MGAM: variants seen among roughly 807,000 people sequenced by gnomAD.
MGAM encodes the protein maltase-glucoamylase, also known as alpha-1,4-glucosidase.
In MGAM, 253 loss-of-function variants were observed where a neutral mutation model predicts 358.8. That is an observed-to-expected ratio of 0.71 (90% CI 0.64 to 0.78). MGAM has a LOEUF of 0.78. Among genes scored for constraint, MGAM ranks in the 30% least tolerant of loss-of-function variants. MGAM has a pLI of 0.00. For synonymous variants in MGAM, 1,105 were observed against 1,227.1 expected, an observed-to-expected ratio of 0.90 and a Z score of 2.08; for missense variants, 3,080 against 3,432.6, an observed-to-expected ratio of 0.90 and a Z score of 2.57.
chr7:142,025,385 A>G (rs1355197519), intron 8 of MGAM, among the ~76,000 whole-genome samples: 2 of 152,166 alleles, frequency 1.3e-5, no homozygotes, highest in African/African-American at 2.4e-5. Context: ...CTCTGTTGGA[A>G]TATTTTCTAT....
At position 142,034,811 on chromosome 7, in the gene MGAM, GC is replaced by G. The variant is rs782348870; in HGVS notation, c.1930del (p.Glu645SerfsTer62). On this transcript the variant is annotated frameshift_variant, in exon 16 of 71. Transcript: ENST00000475668. LOFTEE classifies it high-confidence loss of function. ...DDLRWSIPGV[L>X]EFNLFGIPMV... is the part of the protein sequence containing the mutation. ...ACCTGAGATGGTCCATCCCTGGCGT[GC>G]TTGAGTTCAACCTTTTTGGCATCCC... 3.7e-6 allele frequency: 6 copies of G among 1,612,932 alleles called. No homozygotes were observed. The highest frequency in any genetic ancestry group is 4.2e-6 in the Non-Finnish European group (5 of 1,179,204).
chr7:142,064,351 CT>C (rs758242280), intron 36 of MGAM, 32 bp from the exon 37 acceptor site: 1 of 1,589,994 alleles, frequency 6.3e-7, no homozygotes, highest in Non-Finnish European at 8.6e-7. Context: ...AGAATCAGGG[CT>C]GGGTTTCACC....
chr7:142,048,708 CTT>C (rs1356559372), intron 22 of MGAM, among the ~76,000 whole-genome samples: 1 of 152,050 alleles, frequency 6.6e-6, no homozygotes, highest in East Asian at 1.9e-4. Context: ...GGAAGGGAAA[CTT>C]TGCAATGTTC....
At position 142,059,922 on chromosome 7, in the gene MGAM, G is replaced by T; in HGVS notation, c.4015G>T (p.Val1339Phe). ...CTTCACTCGGGGCGTGGAGGATGAC[G>T]TCTTCATCAAATACCCAAATGATGG... is the stretch of plus-strand genomic sequence containing the variant. ...PAFTRGVEDD[V>F]FIKYPNDGDI... Residue 1339 changes from valine to phenylalanine, a missense_variant, in exon 33 of 71, where the codon GTC becomes TTC. Around this residue, in one of 5 missense-constraint regions of MGAM, gnomAD observed 1,816 missense variants for 1,840.5 expected, o/e 0.99. Coordinates refer to ENST00000475668, the MANE Select transcript of MGAM (RefSeq NM_001365693.1). 2.5e-6 allele frequency: 4 copies of T among 1,610,616 alleles called. No individual in the cohort carries two copies. The highest frequency in any genetic ancestry group is 1.3e-5 in the African/African-American group (1 of 74,988).
At chr7:142,013,126 AT>A (rs113879870) in intron 3 of MGAM, among the ~76,000 whole-genome samples, 2 of 150,230 alleles carry the variant, frequency 1.3e-5, no homozygotes, top group African/African-American at 4.9e-5. Context: ...AGGAATGCTT[AT>A]TTTTTTTTTC....
intron 31 of MGAM, among the ~76,000 whole-genome samples, 186 bp from the exon 32 acceptor site, chr7:142,059,286 A>G (rs910691359): frequency 1.3e-5 from 2 of 152,128 alleles, no homozygotes; most frequent in African/African-American, 4.8e-5. Context: ...TTTCTATCTT[A>G]TCACTGAACA....
chr7:142,066,986 G>A (rs1812826669), intron 41 of MGAM, among the ~76,000 whole-genome samples: 1 of 146,296 alleles, frequency 6.8e-6, no homozygotes, highest in South Asian at 2.2e-4. Context: ...GTTGTGCAAA[G>A]GCCTATCTTA....
intron 21 of MGAM, among the ~76,000 whole-genome samples, chr7:142,041,936 TATTATATATATACA>T: frequency 7.1e-5 from 2 of 28,296 alleles, no homozygotes; most frequent in South Asian, 1.7e-3. Flanking sequence ...ATAATATATA[TATTATATATATACA>T]TATATATAAT....
intron 5 of MGAM, 49 bp downstream of exon 5, chr7:142,021,132 C>T (rs782779256): frequency 2.9e-6 from 4 of 1,363,924 alleles, no homozygotes. Flanking sequence ...GACTTTTATT[C>T]CCTATCGGAT....
intron 45 of MGAM, among the ~76,000 whole-genome samples, chr7:142,074,460 GT>G (rs2129049184): frequency 6.8e-6 from 1 of 146,378 alleles, no homozygotes; most frequent in African/African-American, 2.4e-5. Context: ...TTTCAAGACT[GT>G]TCCCTAATTC....
In MGAM at chr7:142,088,011, C is replaced by G. The variant is rs556267303; in HGVS notation, c.6810+1294C>G. On this transcript the variant is annotated intron_variant, in intron 57 of 70. Coordinates refer to ENST00000475668, the MANE Select transcript of MGAM (RefSeq NM_001365693.1). ...AATATTCATGCCTTATCCAGATAAG[C>G]TGGTTTTCAGGGCAAGTGGTGAGTC... 1.2e-4 allele frequency among the ~76,000 whole-genome samples: 17 copies of G among 146,344 alleles called. 1 individual carries two copies. Among genetic ancestry groups the G allele is most frequent in the African/African-American group, 4.1e-4 (17 of 41,244 alleles).
chr7:142,096,575 G>T (rs1396543483), intron 65 of MGAM, among the ~76,000 whole-genome samples, 160 bp downstream of exon 65: 1 of 152,216 alleles, frequency 6.6e-6, no homozygotes, highest in Non-Finnish European at 1.5e-5. Context: ...TCACTTAGGT[G>T]TTCTTGGCCT....
intron 66 of MGAM, among the ~76,000 whole-genome samples, chr7:142,098,334 T>C (rs1281217988): frequency 6.6e-6 from 1 of 152,150 alleles, no homozygotes; most frequent in Admixed American, 6.6e-5. Flanking sequence ...GCTGGGACCC[T>C]GACAAGTCAG....
At chr7:142,064,214 G>A (rs958816690) in intron 36 of MGAM, among the ~76,000 whole-genome samples, 170 bp from the exon 37 acceptor site, 11 of 152,170 alleles carry the variant, frequency 7.2e-5, no homozygotes, top group Admixed American at 3.3e-4. Context: ...CACAGCAGGC[G>A]CCAATGCAGC....
chr7:142,031,656 A>G (rs534333043), intron 12 of MGAM, 24 bp from the exon 13 acceptor site: 2 of 1,468,350 alleles, frequency 1.4e-6, no homozygotes, highest in Non-Finnish European at 1.9e-6. Flanking sequence ...TACTCTTACC[A>G]GTGTTTTTCT....
Position 142,058,260 on chromosome 7 carries a change from T to C in MGAM, c.3751T>C (p.Tyr1251His). 6.2e-7 allele frequency: 1 copy of C among 1,613,992 alleles called. No homozygotes were observed. The highest frequency in any genetic ancestry group is 8.5e-7 in the Non-Finnish European group (1 of 1,179,860). Residue 1251 changes from tyrosine to histidine, a missense_variant, in exon 31 of 71, where the codon TAT becomes CAT. Physicochemically the swap from Tyr to His is moderately conservative, Grantham distance 83 (BLOSUM62 2). Around this residue, in one of 5 missense-constraint regions of MGAM, gnomAD observed 1,816 missense variants for 1,840.5 expected, o/e 0.99. Coordinates refer to ENST00000475668, the MANE Select transcript of MGAM (RefSeq NM_001365693.1). ...YWSLGFQLCR[Y>H]GYQNDSEIAS... Reference sequence around the variant, plus strand: ...GTCTTTGGGGTTCCAGCTGTGTCGCTATGGCTACCAGAATGACTCTGAGAT... The same window carrying C: ...GTCTTTGGGGTTCCAGCTGTGTCGCCATGGCTACCAGAATGACTCTGAGAT...
rs142546983 is a variant in MGAM at position 142,009,751 on chromosome 7, G to C, written c.327+1046G>C. On this transcript the variant is annotated intron_variant, in intron 3 of 70. Coordinates refer to ENST00000475668, the MANE Select transcript of MGAM (RefSeq NM_001365693.1). ...TTTGCTCAGCCAGAGAGAAATACTG[G>C]CACTTTCAATGATTCATTTTCTTGT... is the stretch of plus-strand genomic sequence containing the variant. Among the ~76,000 whole-genome samples, 46 of 152,220 alleles carry C rather than the reference G, an allele frequency of 3.0e-4. No individual in the cohort carries two copies. The East Asian group carries it at 3.3e-3, about 11-fold the overall frequency.
At chr7:142,020,499 GT>G (rs1563118575) in intron 4 of MGAM, among the ~76,000 whole-genome samples, 2 of 151,568 alleles carry the variant, frequency 1.3e-5, no homozygotes, top group Non-Finnish European at 2.9e-5. Context: ...GCCATAGATA[GT>G]ATGTGCGTAT....
chr7:142,005,053 G>A (rs948041220), intron 1 of MGAM, among the ~76,000 whole-genome samples: 1 of 151,938 alleles, frequency 6.6e-6, no homozygotes, highest in African/African-American at 2.4e-5. Context: ...AAAATCTACA[G>A]AACAAATTCT....
Sources: allele counts gnomAD v4.1 joint callset (sites outside exome capture counted in the v4.1 genomes callset), GRCh38; gene constraint gnomAD v4.1.1; regional missense constraint gnomAD v4.1.1; transcripts MANE v1.5; gene names NCBI Gene and HGNC (gene_info 2026-07-23, HGNC 2026-07-21).